Variants in MACROD2 observed in about 807,000 individuals in gnomAD.
MACROD2 encodes ADP-ribose glycohydrolase MACROD2.
MACROD2 carries 36 observed loss-of-function variants against 70.4 expected under a neutral mutation model. The observed-to-expected ratio is 0.51, with a 90% confidence interval of 0.39 to 0.68. The LOEUF is 0.68. Ranked by LOEUF, MACROD2 falls within the 30% of genes least tolerant of loss-of-function variation. The pLI is 0.00. For missense variants in MACROD2, 496 were observed against 538.4 expected (o/e 0.92, Z 0.78); for synonymous variants, 172 against 178.8 (o/e 0.96, Z 0.30).
At chr20:16,005,854 C>A (rs2066780457) in intron 15 of MACROD2, among the ~76,000 whole-genome samples, 1 of 152,192 alleles carries the variant, frequency 6.6e-6, no homozygotes, top group South Asian at 2.1e-4. Flanking sequence ...CCTTTCCACT[C>A]TGGCTAGCTG....
At chr20:14,825,210 T>C (rs966304923) in intron 5 of MACROD2, among the ~76,000 whole-genome samples, 1 of 152,014 alleles carries the variant, frequency 6.6e-6, no homozygotes, top group African/African-American at 2.4e-5. Flanking sequence ...TTCCTGAACA[T>C]TCTAATTAAC....
intron 6 of MACROD2, among the ~76,000 whole-genome samples, chr20:15,266,507 C>T (rs990314911): frequency 1.6e-4 from 24 of 152,194 alleles, no homozygotes; most frequent in African/African-American, 5.3e-4. Context: ...GATGTGACTC[C>T]TTCTAAGTAG....
In MACROD2 at chr20:15,915,106, T is replaced by A. The variant is rs1019916792; in HGVS notation, c.776-18170T>A. Among the ~76,000 whole-genome samples, 7 of 152,118 alleles carry A rather than the reference T, an allele frequency of 4.6e-5. No homozygotes were observed. The East Asian group carries it at 1.4e-3, about 29-fold the overall frequency. ...AACATGGCAGTTCTCCTACTCCTGT[T>A]GTTTAGGTTTTCTATGGAGGTTCCG... On this transcript the variant is annotated intron_variant, in intron 10 of 17. Coordinates refer to ENST00000684519, the MANE Select transcript of MACROD2 (RefSeq NM_001351661.2).
At chr20:15,822,994 A>G (rs2063955975) in intron 8 of MACROD2, among the ~76,000 whole-genome samples, 1 of 152,200 alleles carries the variant, frequency 6.6e-6, no homozygotes. Context: ...TACAACACCT[A>G]CAAATAAACT....
At chr20:15,432,216 A>G (rs932822) in intron 7 of MACROD2, among the ~76,000 whole-genome samples, 99,932 of 151,936 alleles carry the variant, frequency 0.66, 33,889 homozygotes, top group African/African-American at 0.8. Context: ...ATATATGTAT[A>G]TATTTTAAAT....
At chr20:15,487,921 G>A (rs370464916) in intron 7 of MACROD2, among the ~76,000 whole-genome samples, 1 of 152,240 alleles carries the variant, frequency 6.6e-6, no homozygotes, top group African/African-American at 2.4e-5. Flanking sequence ...CGGTGATGAC[G>A]TGTTCAGCAT....
intron 5 of MACROD2, among the ~76,000 whole-genome samples, chr20:15,189,748 A>T (rs2076557884): frequency 6.6e-6 from 1 of 151,822 alleles, no homozygotes; most frequent in African/African-American, 2.4e-5. Context: ...GAAAATACAG[A>T]TCCTCTTCAG....
chr20:15,036,459 G>A (rs1032072256), intron 5 of MACROD2, among the ~76,000 whole-genome samples: 2 of 152,000 alleles, frequency 1.3e-5, no homozygotes, highest in East Asian at 1.9e-4. Flanking sequence ...CAGAAACTCT[G>A]GTATCCCCCT....
At chr20:14,004,885 TTTTAAA>T (rs2052792006) in intron 2 of MACROD2, among the ~76,000 whole-genome samples, 1 of 152,142 alleles carries the variant, frequency 6.6e-6, no homozygotes, top group Non-Finnish European at 1.5e-5. Flanking sequence ...AGTATATCAG[TTTTAAA>T]TTTAATATCT....
chr20:14,420,474 T>C (rs750674044), intron 3 of MACROD2, among the ~76,000 whole-genome samples: 2 of 152,132 alleles, frequency 1.3e-5, no homozygotes, highest in Non-Finnish European at 2.9e-5. Context: ...TAGATAGTGA[T>C]GTTGAGCATC....
At chr20:15,542,765 G>A (rs2047974519) in intron 8 of MACROD2, among the ~76,000 whole-genome samples, 1 of 152,148 alleles carries the variant, frequency 6.6e-6, no homozygotes. Flanking sequence ...AAAAATAGGG[G>A]TTTTGACCTT....
chr20:14,226,076 A>G (rs979220270), intron 3 of MACROD2, among the ~76,000 whole-genome samples: 1 of 152,204 alleles, frequency 6.6e-6, no homozygotes, highest in Non-Finnish European at 1.5e-5. Context: ...TGATCAGTTC[A>G]GGTGGGGTTT....
At chr20:14,957,820 TC>T (rs1373453796) in intron 5 of MACROD2, among the ~76,000 whole-genome samples, 2 of 152,210 alleles carry the variant, frequency 1.3e-5, no homozygotes, top group African/African-American at 4.8e-5. Context: ...AATATCTCCA[TC>T]CTTGTTATTT....
chr20:14,719,108 T>TGTA lies in MACROD2; in HGVS notation c.418+34152_418+34154dup, dbSNP rs1242154964. On this transcript the variant is annotated intron_variant, in intron 5 of 17. Transcript: ENST00000684519. ...TTAGATGGGCATGGTGGTGTGCACC[T>TGTA]GTAGTCCCAGCTACTTGGGAGTCTG... is the stretch of plus-strand genomic sequence containing the variant. Among the ~76,000 whole-genome samples, 14 of 152,074 alleles carry TGTA rather than the reference T, an allele frequency of 9.2e-5. 1 individual carries two copies. The highest frequency in any genetic ancestry group is 3.4e-4 in the African/African-American group (14 of 41,396).
intron 6 of MACROD2, among the ~76,000 whole-genome samples, chr20:15,428,959 T>C (rs1226763176): frequency 6.6e-6 from 1 of 152,062 alleles, no homozygotes; most frequent in Non-Finnish European, 1.5e-5. Context: ...TTTGCTCCCA[T>C]GGAATTCCTG....
intron 7 of MACROD2, among the ~76,000 whole-genome samples, chr20:15,456,702 A>G (rs1265289908): frequency 6.6e-6 from 1 of 152,126 alleles, no homozygotes; most frequent in Non-Finnish European, 1.5e-5. Flanking sequence ...AGTAGTTTTC[A>G]ATCTCAGCTT....
intron 5 of MACROD2, among the ~76,000 whole-genome samples, chr20:14,755,816 A>G (rs1400387643): frequency 2.6e-5 from 4 of 152,068 alleles, no homozygotes; most frequent in African/African-American, 2.4e-5. Context: ...TAAATATTCT[A>G]TCAATAGGAA....
chr20:15,309,949 G>T (rs1384696457), intron 6 of MACROD2, among the ~76,000 whole-genome samples: 2 of 152,180 alleles, frequency 1.3e-5, no homozygotes, highest in Non-Finnish European at 2.9e-5. Flanking sequence ...TTAAGCTAAT[G>T]CCATTTGGAG....
intron 6 of MACROD2, among the ~76,000 whole-genome samples, chr20:15,370,722 T>C (rs1181507150): frequency 1.3e-5 from 2 of 152,108 alleles, no homozygotes; most frequent in African/African-American, 2.4e-5. Flanking sequence ...TCTTTATTTA[T>C]ACTCACATCC....
Sources: gnomAD v4.1 joint callset for allele counts (sites outside exome capture counted in the v4.1 genomes callset) on GRCh38, gnomAD v4.1.1 for gene constraint, MANE v1.5 for transcripts, NCBI Gene and HGNC (gene_info 2026-07-23, HGNC 2026-07-21) for gene names.